The following AUTS2 variants were observed in gnomAD, a reference collection of about 807,000 sequenced individuals.
The protein encoded by AUTS2 is autism susceptibility gene 2 protein.
Under a neutral mutation model 112.4 loss-of-function variants are expected in AUTS2, and 17 were observed. The ratio of observed to expected loss-of-function variants is 0.15; its 90% CI spans 0.10 to 0.23. AUTS2 has a LOEUF of 0.23. AUTS2 is among the 10% of genes least tolerant of loss of function. The pLI is 1.00. For synonymous variants in AUTS2, 751 were observed against 702.7 expected (o/e 1.07, Z -1.09); for missense variants, 1,510 against 1,701.6 (o/e 0.89, Z 1.98).
chr7:70,118,224 G>T lies in AUTS2; in HGVS notation c.615G>T (p.Arg205Ser). 1.9e-6 allele frequency: 3 copies of T among 1,566,816 alleles called. No homozygotes were observed. Among genetic ancestry groups the T allele is most frequent in the Non-Finnish European group, 2.6e-6 (3 of 1,165,746 alleles). Residue 205 changes from arginine (R) to serine (S), a missense_variant, in exon 3 of 19, where the codon AGG (arginine) becomes AGT (serine). Transcript: ENST00000342771. ...KGFHRSSSRE[R>S]LSDSSAPSSL... is the part of the protein sequence containing the mutation. ...TCCACCGGAGCAGCTCTCGGGAAAG[G>T]CTCAGTGATGTAAGTTTAAGTAAAA...
At chr7:69,826,344 A>G (rs1324970950) in intron 1 of AUTS2, among the ~76,000 whole-genome samples, 1 of 152,208 alleles carries the variant, frequency 6.6e-6, no homozygotes, top group Non-Finnish European at 1.5e-5. Context: ...GGCAAGGTTA[A>G]GTGACCTGCC....
intron 6 of AUTS2, among the ~76,000 whole-genome samples, chr7:70,742,900 T>C (rs888129292): frequency 1.3e-5 from 2 of 152,178 alleles, no homozygotes; most frequent in African/African-American, 2.4e-5. Flanking sequence ...CCCAAACTTC[T>C]CTCTTTTTCA....
chr7:70,432,187 G>T (rs907097071), intron 4 of AUTS2, among the ~76,000 whole-genome samples: 29 of 152,198 alleles, frequency 1.9e-4, no homozygotes, highest in Admixed American at 5.2e-4. Context: ...GCAGGACCCC[G>T]ATGTCAAAAT....
At chr7:69,793,903 A>G (rs1789728799) in intron 1 of AUTS2, among the ~76,000 whole-genome samples, 1 of 152,218 alleles carries the variant, frequency 6.6e-6, no homozygotes, top group South Asian at 2.1e-4. Context: ...AGGTATTCCA[A>G]GCTTGAGAGA....
intron 2 of AUTS2, among the ~76,000 whole-genome samples, chr7:70,037,429 G>A (rs1282544712): frequency 6.6e-6 from 1 of 152,064 alleles, no homozygotes; most frequent in East Asian, 1.9e-4. Flanking sequence ...GTGAGATCAT[G>A]GATATGTTCA....
chr7:70,483,468 T>C (rs1228099202), intron 5 of AUTS2, among the ~76,000 whole-genome samples: 1 of 152,206 alleles, frequency 6.6e-6, no homozygotes, highest in African/African-American at 2.4e-5. Context: ...GTCCAGCTTC[T>C]GTTTCCCCCA....
chr7:70,087,670 A>G (rs764554412), intron 2 of AUTS2, among the ~76,000 whole-genome samples: 1 of 152,036 alleles, frequency 6.6e-6, no homozygotes, highest in African/African-American at 2.4e-5. Context: ...CGCACAGCCT[A>G]TTCTGTCATT....
chr7:70,454,747 A>G (rs1291193472), intron 5 of AUTS2, among the ~76,000 whole-genome samples: 1 of 152,138 alleles, frequency 6.6e-6, no homozygotes, highest in East Asian at 1.9e-4. Context: ...TGAGGAGGAA[A>G]GTGGGCTTAA....
intron 1 of AUTS2, among the ~76,000 whole-genome samples, chr7:69,803,708 G>A (rs950846095): frequency 6.6e-6 from 1 of 152,142 alleles, no homozygotes; most frequent in Non-Finnish European, 1.5e-5. Flanking sequence ...TTCTCTTTGG[G>A]ACTTAACATT....
At chr7:69,654,787 T>C (rs773622948) in intron 1 of AUTS2, among the ~76,000 whole-genome samples, 3 of 152,036 alleles carry the variant, frequency 2.0e-5, no homozygotes, top group Non-Finnish European at 2.9e-5. Context: ...CTAAGTGGGG[T>C]GTTCTGGGTG....
At chr7:70,311,235 A>C (rs948386802) in intron 4 of AUTS2, among the ~76,000 whole-genome samples, 3 of 152,190 alleles carry the variant, frequency 2.0e-5, no homozygotes, top group Non-Finnish European at 4.4e-5. Context: ...ACATGATGTG[A>C]GGATGTGATG....
chr7:70,672,474 G>C (rs1170827608), intron 5 of AUTS2, among the ~76,000 whole-genome samples: 1 of 152,166 alleles, frequency 6.6e-6, no homozygotes, highest in African/African-American at 2.4e-5. Context: ...GGAGGTCCTC[G>C]GCCAGAGACC....
intron 5 of AUTS2, among the ~76,000 whole-genome samples, chr7:70,579,978 T>C (rs1245336217): frequency 6.6e-6 from 1 of 152,080 alleles, no homozygotes; most frequent in Admixed American, 6.5e-5. Flanking sequence ...TGAAGTTGAT[T>C]ACGTTTGCAG....
At chr7:70,569,376 A>G (rs4718963) in intron 5 of AUTS2, among the ~76,000 whole-genome samples, 3 of 152,232 alleles carry the variant, frequency 2.0e-5, no homozygotes, top group Admixed American at 2.0e-4. Flanking sequence ...ATTCTTGCCC[A>G]TAAAGCCGAT....
intron 1 of AUTS2, among the ~76,000 whole-genome samples, chr7:69,622,606 T>A (rs1352767420): frequency 6.6e-6 from 1 of 152,184 alleles, no homozygotes; most frequent in Non-Finnish European, 1.5e-5. Context: ...AAACACATGT[T>A]CAGATTTTAC....
intron 6 of AUTS2, among the ~76,000 whole-genome samples, chr7:70,752,236 T>C: frequency 6.6e-6 from 1 of 152,100 alleles, no homozygotes; most frequent in Non-Finnish European, 1.5e-5. Flanking sequence ...CTAATAAATA[T>C]TGAGGCTGGC....
At chr7:69,877,152 C>G (rs1793839709) in intron 1 of AUTS2, among the ~76,000 whole-genome samples, 1 of 152,146 alleles carries the variant, frequency 6.6e-6, no homozygotes, top group Non-Finnish European at 1.5e-5. Flanking sequence ...TTTCTACCTC[C>G]TTGGGTATAT....
rs35703608 is a variant in AUTS2, at chr7:70,077,846, C to T, written c.523-40286C>T. Among the ~76,000 whole-genome samples, 414 of 152,282 alleles carry T rather than the reference C, an allele frequency of 2.7e-3. 7 individuals carry two copies. The highest frequency in any genetic ancestry group is 7.2e-3 in the African/African-American group (299 of 41,562). On this transcript the variant is annotated intron_variant, in intron 2 of 18. Transcript: ENST00000342771. Reference sequence around the variant, plus strand: ...TTTCACTGCCTCCTGTGCATACCTCCGTGCTAAATTAAACTCCAGACCCTG... The same window carrying T: ...TTTCACTGCCTCCTGTGCATACCTCTGTGCTAAATTAAACTCCAGACCCTG...
intron 2 of AUTS2, among the ~76,000 whole-genome samples, chr7:70,017,729 C>T (rs959095139): frequency 6.6e-6 from 1 of 152,156 alleles, no homozygotes; most frequent in Middle Eastern, 3.4e-3. Context: ...GAAATGCTCA[C>T]AGGAAAGTAG....
Sources: gnomAD v4.1 joint callset for allele counts (sites outside exome capture counted in the v4.1 genomes callset) on GRCh38, gnomAD v4.1.1 for gene constraint, MANE v1.5 for transcripts, NCBI Gene and HGNC (gene_info 2026-07-23, HGNC 2026-07-21) for gene names.